The following EDC3 variants were observed in gnomAD, a reference collection of about 807,000 sequenced individuals.
EDC3 encodes the protein enhancer of mRNA decapping 3.
In EDC3, 20 loss-of-function variants were observed where a neutral mutation model predicts 41.8. That is an observed-to-expected ratio of 0.48 (90% CI 0.34 to 0.70). The LOEUF (loss-of-function observed/expected upper bound fraction) is 0.70. EDC3 is among the 30% of genes least tolerant of loss of function. The probability of loss-of-function intolerance (pLI) is 0.01; values close to 1 mark genes in which losing one functional copy is unlikely to be tolerated. For synonymous variants in EDC3, 206 were observed against 243.2 expected (o/e 0.85, Z 1.42); for missense variants, 444 against 636.8 (o/e 0.70, Z 3.26).
intron 3 of EDC3, among the ~76,000 whole-genome samples, chr15:74,669,707 G>A (rs1390837600): frequency 6.6e-6 from 1 of 151,980 alleles, no homozygotes; most frequent in Non-Finnish European, 1.5e-5. Context: ...AGAAGTATCC[G>A]GAATTTTATG....
chr15:74,689,940 A>G (rs1212111102), intron 1 of EDC3, among the ~76,000 whole-genome samples: 1 of 152,224 alleles, frequency 6.6e-6, no homozygotes, highest in Non-Finnish European at 1.5e-5. Flanking sequence ...AATATCCTTC[A>G]TCTCATTAAT....
intron 5 of EDC3, chr15:74,638,079 C>T (rs184779717): frequency 3.9e-5 from 6 of 152,308 alleles, no homozygotes; most frequent in African/African-American, 1.4e-4. Flanking sequence ...CATTGCCGGC[C>T]GTTCCTTTTT....
chr15:74,631,787 GT>G lies in EDC3; in HGVS notation c.*824del. 1 of 152,968 alleles carries G rather than the reference GT, an allele frequency of 6.5e-6. No individual in the cohort carries two copies. Among genetic ancestry groups the G allele is most frequent in the Non-Finnish European group, 1.5e-5 (1 of 68,296 alleles). 9.5% of individuals were successfully genotyped at this position (152,968 alleles called of 1,614,324 possible). ...CCCCAGGGATATCCCCATCTGAGGG[GT>G]CTGGCCCCAGACTAGGCAAAGGCTC... On this transcript the variant is annotated 3_prime_UTR_variant, in exon 7 of 7. Coordinates refer to ENST00000315127, the MANE Select transcript of EDC3 (RefSeq NM_025083.5).
intron 1 of EDC3, among the ~76,000 whole-genome samples, chr15:74,692,548 A>AT (rs966557345): frequency 1.3e-4 from 20 of 152,232 alleles, no homozygotes; most frequent in African/African-American, 4.3e-4. Context: ...CAAAGATGAC[A>AT]TAAAAAAAAG....
At chr15:74,674,705 G>A (rs1015467556) in intron 2 of EDC3, among the ~76,000 whole-genome samples, 7 of 152,130 alleles carry the variant, frequency 4.6e-5, no homozygotes, top group Middle Eastern at 3.4e-3. Flanking sequence ...AATGAATATC[G>A]GAATGCAAAG....
chr15:74,680,930 G>A (rs1300914944), intron 1 of EDC3, among the ~76,000 whole-genome samples: 1 of 151,934 alleles, frequency 6.6e-6, no homozygotes, highest in African/African-American at 2.4e-5. Context: ...AAGGGTACAG[G>A]ATTTGTATAC....
chr15:74,635,353 C>T, intron 6 of EDC3, 56 bp downstream of exon 6: 1 of 1,548,554 alleles, frequency 6.5e-7, no homozygotes, highest in Non-Finnish European at 8.9e-7. Context: ...ATGACGAGAC[C>T]ATCAAACTGC....
Position 74,671,398 on chromosome 15 carries a change from T to C in EDC3, c.484+57A>G. The C allele has an allele frequency of 1.3e-6, 2 of 1,548,050 alleles. No homozygotes were observed. Among genetic ancestry groups the C allele is most frequent in the Non-Finnish European group, 8.8e-7 (1 of 1,138,348 alleles). ...TTTGTTTAAAGAGCAGCAGTGCTTA[T>C]GGCTTATAGCCCTGAAACACCAGAT... is the stretch of plus-strand genomic sequence containing the variant. On this transcript the variant is annotated intron_variant, in intron 3 of 6. Transcript: ENST00000315127. This position sits in a 1 kb window ranked among gnomAD's most constrained non-coding sequence, Gnocchi z 4.6.
chr15:74,675,898 A>T (rs1330091283), intron 1 of EDC3, among the ~76,000 whole-genome samples: 1 of 151,768 alleles, frequency 6.6e-6, no homozygotes, highest in East Asian at 1.9e-4. Flanking sequence ...AAAAAAAGAA[A>T]TTTTTTTAAA....
At chr15:74,660,307 G>A (rs569798716) in intron 3 of EDC3, among the ~76,000 whole-genome samples, 1 of 150,590 alleles carries the variant, frequency 6.6e-6, no homozygotes, top group Non-Finnish European at 1.5e-5. Context: ...GGGAGGCTGA[G>A]GTAGGAGAAT....
At chr15:74,653,762 A>G (rs1196227315) in intron 4 of EDC3, among the ~76,000 whole-genome samples, 1 of 152,222 alleles carries the variant, frequency 6.6e-6, no homozygotes, top group African/African-American at 2.4e-5. Flanking sequence ...GTCATTAAAA[A>G]CAAAAGAAGT....
intron 4 of EDC3, among the ~76,000 whole-genome samples, chr15:74,652,671 T>A (rs1299104677): frequency 6.6e-6 from 1 of 151,654 alleles, no homozygotes; most frequent in East Asian, 2.0e-4. Flanking sequence ...AGCCGCAACC[T>A]CATGGGCTCA....
chr15:74,658,626 A>G (rs200362135), intron 3 of EDC3, among the ~76,000 whole-genome samples: 14 of 91,094 alleles, frequency 1.5e-4, no homozygotes, highest in East Asian at 1.8e-3. Flanking sequence ...ACGTCTCTGA[A>G]AAAAAAAAAA....
At chr15:74,674,779 C>T (rs1200002806) in intron 2 of EDC3, 182 bp downstream of exon 2, 1 of 648,654 alleles carries the variant, frequency 1.5e-6, no homozygotes, top group East Asian at 2.7e-5. Flanking sequence ...CTTCGGGAGG[C>T]CACAACGGGC....
intron 6 of EDC3, among the ~76,000 whole-genome samples, chr15:74,634,252 TTTC>T (rs2062245132): frequency 6.6e-6 from 1 of 152,188 alleles, no homozygotes; most frequent in African/African-American, 2.4e-5. Context: ...CACATGCTCC[TTTC>T]TTCACTTGGC....
At chr15:74,679,444 A>G (rs1397097222) in intron 1 of EDC3, among the ~76,000 whole-genome samples, 1 of 152,226 alleles carries the variant, frequency 6.6e-6, no homozygotes, top group Non-Finnish European at 1.5e-5. Context: ...ATATTTTAAA[A>G]ATCGATCAAT....
At chr15:74,654,844 T>A (rs959877805) in intron 4 of EDC3, among the ~76,000 whole-genome samples, 3 of 152,116 alleles carry the variant, frequency 2.0e-5, no homozygotes, top group Non-Finnish European at 4.4e-5. Context: ...CGTCCACAGT[T>A]CTCCTTATAG....
At position 74,635,596 on chromosome 15, in the gene EDC3, A is replaced by AG; in HGVS notation, c.1004dup (p.Thr336TyrfsTer26). 6.2e-7 allele frequency: 1 copy of AG among 1,613,816 alleles called. No homozygotes were observed. ...GAGGTCCACACAGTAGAGCCACTGT[A>AG]GGCCTCTGGTGAACATTTTTGGGAT... On this transcript the variant is annotated frameshift_variant, in exon 6 of 7. Coordinates refer to ENST00000315127, the MANE Select transcript of EDC3 (RefSeq NM_025083.5). LOFTEE classifies it high-confidence loss of function.
intron 1 of EDC3, among the ~76,000 whole-genome samples, chr15:74,688,446 C>G (rs2062963586): frequency 1.3e-5 from 2 of 152,228 alleles, no homozygotes; most frequent in Admixed American, 1.3e-4. Context: ...CCACTCAAAA[C>G]AAGACAGACT....
Sources: allele counts gnomAD v4.1 joint callset (sites outside exome capture counted in the v4.1 genomes callset), GRCh38; gene constraint gnomAD v4.1.1; non-coding constraint Gnocchi (gnomAD v3.1); transcripts MANE v1.5; gene names NCBI Gene and HGNC (gene_info 2026-07-23, HGNC 2026-07-21).